Variants in EMCN observed in about 807,000 individuals in gnomAD.
The protein encoded by EMCN is MUC-14.
A neutral mutation model predicts 38.4 loss-of-function variants in EMCN; 37 were observed. The ratio of observed to expected loss-of-function variants is 0.96; its 90% CI spans 0.74 to 1.27. The LOEUF is 1.27. Among genes scored for constraint, EMCN ranks in the 50% most tolerant of loss-of-function variants. The pLI is 0.00. For synonymous variants in EMCN, 95 were observed against 100.8 expected (o/e 0.94, Z 0.35); for missense variants, 318 against 302.8 (o/e 1.05, Z -0.37).
Position 100,396,623 on chromosome 4 carries a change from A to C in EMCN, c.*1790T>G, listed in dbSNP as rs1297907525. 6.9e-6 allele frequency: 1 copy of C among 145,812 alleles called. No individual in the cohort carries two copies. Among genetic ancestry groups the C allele is most frequent in the Non-Finnish European group, 1.5e-5 (1 of 67,174 alleles). The allele number at this position is 145,812 out of a possible 1,614,324, so 9.0% of individuals were successfully genotyped here. A position where few individuals can be genotyped will look rare whatever the true frequency, so the allele number is the denominator to read the frequency against. ...AATAGTGCCATCTCAGCTCACTGCA[A>C]CCTCTGTCTTCTGGGTTCAAGCGAT... On this transcript the variant is annotated 3_prime_UTR_variant, in exon 12 of 12. Transcript: ENST00000296420.
chr4:100,431,389 T>C (rs1727195496), intron 5 of EMCN, among the ~76,000 whole-genome samples: 1 of 152,154 alleles, frequency 6.6e-6, no homozygotes, highest in Non-Finnish European at 1.5e-5. Context: ...TGGATAAGGC[T>C]AACATTTGAA....
intron 8 of EMCN, among the ~76,000 whole-genome samples, chr4:100,420,967 T>A (rs1360355567): frequency 6.6e-6 from 1 of 152,034 alleles, no homozygotes; most frequent in African/African-American, 2.4e-5. Flanking sequence ...AGTTAATCTT[T>A]ACCATAGACA....
intron 3 of EMCN, among the ~76,000 whole-genome samples, chr4:100,472,986 T>C (rs1236781149): frequency 6.8e-6 from 1 of 146,770 alleles, no homozygotes; most frequent in East Asian, 2.0e-4. Flanking sequence ...GAAATATATA[T>C]ATTCTAGAAG....
At chr4:100,501,094 C>T (rs954002640) in intron 1 of EMCN, among the ~76,000 whole-genome samples, 2 of 151,994 alleles carry the variant, frequency 1.3e-5, no homozygotes, top group East Asian at 3.9e-4. Context: ...TATGTCTTTT[C>T]TTTTATGGTT....
chr4:100,497,578 G>T (rs1449194667), intron 1 of EMCN, among the ~76,000 whole-genome samples: 1 of 152,126 alleles, frequency 6.6e-6, no homozygotes, highest in African/African-American at 2.4e-5. Flanking sequence ...GGGTTTCACC[G>T]TGTTAGCCAG....
At position 100,458,392 on chromosome 4, in the gene EMCN, C is replaced by CA. The variant is rs560726201; in HGVS notation, c.376+7030dup. Reference sequence around the variant, plus strand: ...ACACAGAATTATTGCCTCCATTATACAAAAAAATCAGCAAAATCTAAATTG... The same window carrying CA: ...ACACAGAATTATTGCCTCCATTATACAAAAAAAATCAGCAAAATCTAAATTG... On this transcript the variant is annotated intron_variant, in intron 4 of 11. Coordinates refer to ENST00000296420, the MANE Select transcript of EMCN (RefSeq NM_016242.4). Among the ~76,000 whole-genome samples the CA allele has an allele frequency of 1.9e-3, 291 of 151,980 alleles. 1 individual carries two copies. The highest frequency in any genetic ancestry group is 6.6e-3 in the African/African-American group (274 of 41,460).
At chr4:100,482,941 A>G (rs942561990) in intron 1 of EMCN, among the ~76,000 whole-genome samples, 4 of 152,158 alleles carry the variant, frequency 2.6e-5, no homozygotes, top group Non-Finnish European at 1.5e-5. Context: ...TGGTGCAGTA[A>G]GATTGAGATG....
At chr4:100,499,980 A>T (rs1220787604) in intron 1 of EMCN, among the ~76,000 whole-genome samples, 1 of 152,196 alleles carries the variant, frequency 6.6e-6, no homozygotes, top group Admixed American at 6.5e-5. Flanking sequence ...TAATAGCTAA[A>T]TTAAAGCTTA....
At chr4:100,512,182 A>G (rs942470444) in intron 1 of EMCN, among the ~76,000 whole-genome samples, 2 of 152,000 alleles carry the variant, frequency 1.3e-5, no homozygotes, top group African/African-American at 4.8e-5. Context: ...TCTAATGCTC[A>G]TACGGTGACT....
intron 1 of EMCN, among the ~76,000 whole-genome samples, chr4:100,494,386 C>T (rs937071364): frequency 3.3e-5 from 5 of 152,078 alleles, no homozygotes; most frequent in Admixed American, 1.3e-4. Flanking sequence ...AGGCAACAGA[C>T]ACAGTTTCAG....
At position 100,465,463 on chromosome 4, in the gene EMCN, A is replaced by G. The variant is rs1409826043; in HGVS notation, c.336T>C (p.Leu112=). ...TTTGTAATGTTGAAACAGCATTTGG[A>G]AGTGTAACACTTGTTACTGTTACGT... is the stretch of plus-strand genomic sequence containing the variant. ...ISNVTVTSVT[L]PNAVSTLQSS... The change falls in exon 4 of 12, where the codon CTT becomes CTC. Residue 112 remains leucine, a synonymous_variant. Transcript: ENST00000296420. 2 of 1,608,936 alleles carry G rather than the reference A, an allele frequency of 1.2e-6. No individual in the cohort carries two copies. Among genetic ancestry groups the G allele is most frequent in the East Asian group, 4.5e-5 (2 of 44,724 alleles).
intron 1 of EMCN, among the ~76,000 whole-genome samples, chr4:100,497,580 G>C (rs1729242921): frequency 6.6e-6 from 1 of 152,116 alleles, no homozygotes. Context: ...GTTTCACCGT[G>C]TTAGCCAGGA....
At chr4:100,463,920 A>G (rs1728248447) in intron 4 of EMCN, among the ~76,000 whole-genome samples, 1 of 152,052 alleles carries the variant, frequency 6.6e-6, no homozygotes, top group Middle Eastern at 3.2e-3. Context: ...GTACAAATCT[A>G]GGGTCATCTT....
chr4:100,409,668 T>G (rs1399578868), intron 11 of EMCN, among the ~76,000 whole-genome samples: 1 of 152,178 alleles, frequency 6.6e-6, no homozygotes, highest in East Asian at 1.9e-4. Flanking sequence ...TGGCTGAAAC[T>G]GAATTTTAGA....
rs2110201317 is a variant in EMCN at position 100,398,052 on chromosome 4, G to A, written c.*361C>T. 1 of 151,662 alleles carries A rather than the reference G, an allele frequency of 6.6e-6. No individual in the cohort carries two copies. The highest frequency in any genetic ancestry group is 1.5e-5 in the Non-Finnish European group (1 of 67,944). The allele number at this position is 151,662 out of a possible 1,614,324, so 9.4% of individuals were successfully genotyped here. ...TTCATGGATAAAAATTCTTGGCCCG[G>A]AAAACTTTAAACATTAAGGAAAGTC... On this transcript the variant is annotated 3_prime_UTR_variant, in exon 12 of 12. Transcript: ENST00000296420.
chr4:100,484,377 T>C (rs1391280038), intron 1 of EMCN, among the ~76,000 whole-genome samples: 1 of 152,212 alleles, frequency 6.6e-6, no homozygotes, highest in South Asian at 2.1e-4. Context: ...GCATGTCTAA[T>C]CTTTGTAATT....
rs779319831 is a variant in EMCN, at chr4:100,423,033, G to A, written c.556C>T (p.Arg186Trp). The A allele has an allele frequency of 6.6e-5, 107 of 1,612,842 alleles. No homozygotes were observed. Among genetic ancestry groups the A allele is most frequent in the African/African-American group, 8.0e-5 (6 of 74,932 alleles). ...TGCTGTTACTCACTGGAATAAGACC[G>A]GCTGGTTGCTGAAGTGCTTGCATTT... ...GKNASTSATS[R>W]SYSSIILPVV... is the part of the protein sequence containing the mutation. The change falls in exon 7 of 12, where the codon CGG (arginine) becomes TGG (tryptophan). Residue 186 changes from arginine to tryptophan, a missense_variant. Arg to Trp is a moderately radical substitution (Grantham distance 101). Coordinates refer to ENST00000296420, the MANE Select transcript of EMCN (RefSeq NM_016242.4).
In EMCN at chr4:100,437,618, G is replaced by A. The variant is rs547705892; in HGVS notation, c.415+9915C>T. On this transcript the variant is annotated intron_variant, in intron 5 of 11. Coordinates refer to ENST00000296420, the MANE Select transcript of EMCN (RefSeq NM_016242.4). The stretch of plus-strand genomic sequence containing the variant: ...ATAGGGTCCAATTTCATTCTTTTAC[G>A]TGTAGAAATCCAGTTTTTGCAGCAC... Among the ~76,000 whole-genome samples, 32 of 152,010 alleles carry A rather than the reference G, an allele frequency of 2.1e-4. 1 individual carries two copies. The highest frequency in any genetic ancestry group is 6.5e-4 in the African/African-American group (27 of 41,498).
At chr4:100,498,297 TG>T (rs1729261480) in intron 1 of EMCN, among the ~76,000 whole-genome samples, 1 of 152,184 alleles carries the variant, frequency 6.6e-6, no homozygotes, top group Non-Finnish European at 1.5e-5. Context: ...GCCTAAAATT[TG>T]TTTCGCTAGA....
Sources: allele counts gnomAD v4.1 joint callset (sites outside exome capture counted in the v4.1 genomes callset), GRCh38; gene constraint gnomAD v4.1.1; transcripts MANE v1.5; gene names NCBI Gene and HGNC (gene_info 2026-07-23, HGNC 2026-07-21).